Variants in CGNL1 observed in about 807,000 individuals in gnomAD.
CGNL1 encodes cingulin like 1.
A neutral mutation model predicts 141.2 loss-of-function variants in CGNL1; 132 were observed. The observed-to-expected ratio is 0.93, with a 90% CI of 0.81 to 1.08. The LOEUF (loss-of-function observed/expected upper bound fraction) is 1.08. Among genes scored for constraint, CGNL1 ranks in the 50% least tolerant of loss-of-function variants. The pLI, the probability that CGNL1 is intolerant of heterozygous loss-of-function variation, is 0.00. For missense variants in CGNL1, 1,870 were observed against 1,588.6 expected (o/e 1.18, Z -3.01); for synonymous variants, 690 against 622.1 (o/e 1.11, Z -1.63).
chr15:57,531,645 G>A (rs377697929), intron 13 of CGNL1, 45 bp from the exon 14 acceptor site: 17 of 1,264,630 alleles, frequency 1.3e-5, no homozygotes, highest in African/African-American at 8.8e-5. Context: ...TGTTAATCCC[G>A]GTCAGTGCAA....
chr15:57,437,541 G>C (rs1298388381), intron 1 of CGNL1, among the ~76,000 whole-genome samples: 1 of 137,226 alleles, frequency 7.3e-6, no homozygotes. Context: ...AAAGTACCTA[G>C]TTCTCAAATG....
rs1260422826 is a variant in CGNL1, at chr15:57,454,918, G to C, written c.2190+1100G>C. 2.6e-5 allele frequency among the ~76,000 whole-genome samples: 4 copies of C among 151,822 alleles called. No homozygotes were observed. In the East Asian group the frequency reaches 7.7e-4, roughly 29 times the overall value. On this transcript the variant is annotated intron_variant, in intron 7 of 18. Transcript: ENST00000281282. ...AAAATTGAAAAAAGGGGGAGGGGGGGACGTACACATACTTTCCTAATACCT... is the reference window on the plus strand; with the variant it reads ...AAAATTGAAAAAAGGGGGAGGGGGGCACGTACACATACTTTCCTAATACCT...
At chr15:57,533,929 C>T (rs1027739281) in intron 14 of CGNL1, among the ~76,000 whole-genome samples, 1 of 152,214 alleles carries the variant, frequency 6.6e-6, no homozygotes, top group Admixed American at 6.5e-5. Flanking sequence ...CTGGGGAGAG[C>T]AGTGGGCTGG....
intron 1 of CGNL1, among the ~76,000 whole-genome samples, chr15:57,427,034 C>A (rs530565826): frequency 6.6e-6 from 1 of 152,228 alleles, no homozygotes; most frequent in South Asian, 2.1e-4. Context: ...ACCTGAGGGG[C>A]TGGTGAGAGC....
intron 8 of CGNL1, among the ~76,000 whole-genome samples, chr15:57,471,060 C>A (rs1251112851): frequency 6.6e-6 from 1 of 152,164 alleles, no homozygotes; most frequent in East Asian, 1.9e-4. Flanking sequence ...ATTAGAATTG[C>A]TAGGAAGACA....
In CGNL1 at chr15:57,464,206, G is replaced by A. The variant is rs550235844; in HGVS notation, c.2403+2314G>A. ...TGGTGGGGACTGTGACAAGCTGGCT[G>A]GAGGGCATGTCCTTTGCTGGAGCGG... On this transcript the variant is annotated intron_variant, in intron 8 of 18. Coordinates refer to ENST00000281282, the MANE Select transcript of CGNL1 (RefSeq NM_032866.5). Among the ~76,000 whole-genome samples, 164 of 152,166 alleles carry A rather than the reference G, an allele frequency of 1.1e-3. 1 individual carries two copies. The highest frequency in any genetic ancestry group is 3.6e-3 in the African/African-American group (148 of 41,516).
chr15:57,477,666 C>T (rs1409331818), intron 8 of CGNL1: 1 of 152,254 alleles, frequency 6.6e-6, no homozygotes, highest in Admixed American at 6.5e-5. Flanking sequence ...TGAGAAGAAG[C>T]CTTCCATGGC....
intron 7 of CGNL1, among the ~76,000 whole-genome samples, chr15:57,455,512 A>G (rs537885973): frequency 6.6e-6 from 1 of 152,280 alleles, no homozygotes; most frequent in Non-Finnish European, 1.5e-5. Flanking sequence ...TAGTTTCTCT[A>G]TTTTAACTCA....
rs1217301865 is a variant in CGNL1, at chr15:57,516,998, T to C, written c.2610+12T>C. ...TGAAGAAGTACGAGGTGAGGCTCGCTGGGCCCAGGCCCAGCTTTGGCAGCT... is the reference window on the plus strand; with the variant it reads ...TGAAGAAGTACGAGGTGAGGCTCGCCGGGCCCAGGCCCAGCTTTGGCAGCT... On this transcript the variant is annotated intron_variant, in intron 9 of 18. Transcript: ENST00000281282. 6.2e-7 allele frequency: 1 copy of C among 1,609,278 alleles called. No individual in the cohort carries two copies. Among genetic ancestry groups the C allele is most frequent in the East Asian group, 2.2e-5 (1 of 44,734 alleles).
At chr15:57,495,282 C>T (rs1345055967) in intron 8 of CGNL1, among the ~76,000 whole-genome samples, 6 of 152,102 alleles carry the variant, frequency 3.9e-5, no homozygotes, top group African/African-American at 1.4e-4. Flanking sequence ...CATTTACCAC[C>T]ATGCCTTCCA....
At chr15:57,409,003 T>C (rs2062754899) in intron 1 of CGNL1, among the ~76,000 whole-genome samples, 2 of 149,930 alleles carry the variant, frequency 1.3e-5, no homozygotes, top group African/African-American at 4.9e-5. Flanking sequence ...ATGGCACCAC[T>C]GCACTCCAGC....
chr15:57,502,248 C>T (rs1166668234), intron 8 of CGNL1, among the ~76,000 whole-genome samples: 1 of 152,114 alleles, frequency 6.6e-6, no homozygotes, highest in Non-Finnish European at 1.5e-5. Context: ...ACTAAACCAT[C>T]CTCAGTTGGT....
chr15:57,412,002 C>T (rs552313810), intron 1 of CGNL1, among the ~76,000 whole-genome samples: 8 of 152,314 alleles, frequency 5.3e-5, no homozygotes, highest in East Asian at 1.9e-4. Flanking sequence ...TTCAAAGCCC[C>T]GCTAACGTTC....
intron 8 of CGNL1, among the ~76,000 whole-genome samples, chr15:57,468,204 TTTTC>T (rs1349443303): frequency 2.7e-5 from 4 of 150,430 alleles, no homozygotes; most frequent in African/African-American, 9.8e-5. Flanking sequence ...TTCTTCCTTT[TTTTC>T]TTTCTTTTTC....
chr15:57,448,509 G>A lies in CGNL1; in HGVS notation c.1804-2991G>A, dbSNP rs112739715. On this transcript the variant is annotated intron_variant, in intron 4 of 18. Transcript: ENST00000281282. ...ACTAAAAATACAAAATTAACCAGGT[G>A]TGATGGTGCGCACCTGTAACCCCAG... Among the ~76,000 whole-genome samples the A allele has an allele frequency of 9.2e-3, 1,401 of 152,096 alleles. 22 individuals are homozygous for A. Among genetic ancestry groups the A allele is most frequent in the African/African-American group, 0.031 (1,282 of 41,502 alleles).
At chr15:57,510,081 A>AT (rs1244394895) in intron 8 of CGNL1, among the ~76,000 whole-genome samples, 2 of 152,054 alleles carry the variant, frequency 1.3e-5, no homozygotes, top group Admixed American at 6.5e-5. Flanking sequence ...TCTAGGCTTG[A>AT]TTTTTTTAGC....
At chr15:57,381,406 C>T (rs1393546065) in intron 1 of CGNL1, among the ~76,000 whole-genome samples, 3 of 152,182 alleles carry the variant, frequency 2.0e-5, no homozygotes, top group South Asian at 4.2e-4. Flanking sequence ...CAAAAAAATA[C>T]AGAAATTAGC....
At chr15:57,411,508 A>G (rs533954953) in intron 1 of CGNL1, among the ~76,000 whole-genome samples, 2 of 150,912 alleles carry the variant, frequency 1.3e-5, no homozygotes, top group South Asian at 4.2e-4. Context: ...CAATGGCGCA[A>G]TCTCAGCTCA....
intron 1 of CGNL1, among the ~76,000 whole-genome samples, chr15:57,388,369 G>C (rs186798330): frequency 6.6e-6 from 1 of 152,160 alleles, no homozygotes; most frequent in Non-Finnish European, 1.5e-5. Flanking sequence ...AAGACAGGAG[G>C]GTGAGGGGAG....
Sources: gnomAD v4.1 joint callset for allele counts (sites outside exome capture counted in the v4.1 genomes callset) on GRCh38, gnomAD v4.1.1 for gene constraint, MANE v1.5 for transcripts, NCBI Gene and HGNC (gene_info 2026-07-23, HGNC 2026-07-21) for gene names.